NELL1: variants seen among roughly 807,000 people sequenced by gnomAD.
The protein encoded by NELL1 is neural EGFL like 1, also known as protein kinase C-binding protein NELL1.
Under a neutral mutation model 107.4 loss-of-function variants are expected in NELL1, and 76 were observed. That is an observed-to-expected ratio of 0.71 (90% CI 0.59 to 0.86). The LOEUF is 0.86. Among genes scored for constraint, NELL1 ranks in the 40% least tolerant of loss-of-function variants. The probability of loss-of-function intolerance (pLI) is 0.00; values close to 1 mark genes in which losing one functional copy is unlikely to be tolerated. For synonymous variants in NELL1, 353 were observed against 341.2 expected, an observed-to-expected ratio of 1.03 and a Z score of -0.38; for missense variants, 1,024 against 1,005.5, an observed-to-expected ratio of 1.02 and a Z score of -0.25.
In NELL1 at chr11:21,413,369, T is replaced by G. The variant is rs12802687; in HGVS notation, c.1645+42421T>G. ...TGCTGGGGGTGGGGGGGAGATATAG[T>G]AAATGTGGGCTTCAGCATCTACCCC... On this transcript the variant is annotated intron_variant, in intron 15 of 19. Transcript: ENST00000357134. 1.4e-3 allele frequency among the ~76,000 whole-genome samples: 214 copies of G among 152,032 alleles called. 1 individual carries two copies. Among genetic ancestry groups the G allele is most frequent in the Admixed American group, 2.4e-3 (37 of 15,260 alleles).
In NELL1 at chr11:21,027,790, C is replaced by T. The variant is rs368557893; in HGVS notation, c.1300+67230C>T. Among the ~76,000 whole-genome samples, 18 of 152,238 alleles carry T rather than the reference C, an allele frequency of 1.2e-4. No individual in the cohort carries two copies. The East Asian group carries it at 2.9e-3, about 25-fold the overall frequency. ...TTTTTAGCAAAATGCAGTTTAGTTT[C>T]CCTGAAACCTTAACAATCTGGAACA... On this transcript the variant is annotated intron_variant, in intron 12 of 19. Coordinates refer to ENST00000357134, the MANE Select transcript of NELL1 (RefSeq NM_006157.5).
intron 4 of NELL1, among the ~76,000 whole-genome samples, chr11:20,884,367 T>C (rs1029039842): frequency 6.6e-6 from 1 of 152,220 alleles, no homozygotes; most frequent in Non-Finnish European, 1.5e-5. Flanking sequence ...TCCGTACCTC[T>C]GGACACACCT....
chr11:21,516,607 G>A (rs1388848691), intron 15 of NELL1, among the ~76,000 whole-genome samples: 1 of 152,002 alleles, frequency 6.6e-6, no homozygotes, highest in Non-Finnish European at 1.5e-5. Flanking sequence ...AATACTATAG[G>A]CAATTGTAAC....
chr11:20,675,520 C>T (rs770838765), intron 1 of NELL1, among the ~76,000 whole-genome samples: 1 of 152,192 alleles, frequency 6.6e-6, no homozygotes. Context: ...GTGAAAGGCA[C>T]TTGGGCGACA....
At chr11:21,415,844 A>G (rs540748721) in intron 15 of NELL1, among the ~76,000 whole-genome samples, 2 of 152,226 alleles carry the variant, frequency 1.3e-5, no homozygotes, top group East Asian at 3.9e-4. Context: ...TGTATGCCAA[A>G]TGACACTTTA....
intron 3 of NELL1, among the ~76,000 whole-genome samples, chr11:20,790,973 GATT>G (rs965497178): frequency 3.2e-4 from 48 of 152,182 alleles, no homozygotes; most frequent in African/African-American, 1.1e-3. Flanking sequence ...AGTGCTGTTT[GATT>G]ATTGCAGTTT....
chr11:21,476,628 A>G (rs1254459164), intron 15 of NELL1, among the ~76,000 whole-genome samples: 2 of 152,120 alleles, frequency 1.3e-5, no homozygotes, highest in Admixed American at 6.6e-5. Context: ...AAGAACCAAA[A>G]ATCACTGTGA....
At chr11:21,414,251 C>A (rs1852447614) in intron 15 of NELL1, among the ~76,000 whole-genome samples, 1 of 151,790 alleles carries the variant, frequency 6.6e-6, no homozygotes, top group Non-Finnish European at 1.5e-5. Flanking sequence ...GAGGGTGGGT[C>A]AAGAAAGAAA....
At chr11:20,938,167 T>A (rs958796946) in intron 10 of NELL1, among the ~76,000 whole-genome samples, 7 of 152,022 alleles carry the variant, frequency 4.6e-5, no homozygotes, top group Non-Finnish European at 1.0e-4. Flanking sequence ...GGGTTTTGAG[T>A]TGGTATTAGG....
intron 2 of NELL1, among the ~76,000 whole-genome samples, chr11:20,774,324 T>C (rs1856706266): frequency 7.0e-6 from 1 of 143,218 alleles, no homozygotes; most frequent in Admixed American, 6.9e-5. Context: ...TCTCCTTTCT[T>C]TTTTTCTTTC....
At chr11:21,424,349 G>A (rs191626777) in intron 15 of NELL1, among the ~76,000 whole-genome samples, 13 of 152,186 alleles carry the variant, frequency 8.5e-5, no homozygotes, top group African/African-American at 2.4e-4. Flanking sequence ...GGCCAGGCAC[G>A]GTGTCTCACG....
chr11:21,057,694 G>T (rs1853644612), intron 12 of NELL1, among the ~76,000 whole-genome samples: 1 of 151,668 alleles, frequency 6.6e-6, no homozygotes, highest in African/African-American at 2.4e-5. Flanking sequence ...GCTGCAGATG[G>T]GTGTTTAATT....
At chr11:20,996,423 A>G (rs896721786) in intron 12 of NELL1, among the ~76,000 whole-genome samples, 3 of 152,082 alleles carry the variant, frequency 2.0e-5, no homozygotes, top group Admixed American at 6.6e-5. Context: ...AAGCCTTTCT[A>G]TCTTAACCAC....
chr11:21,239,363 T>A (rs1271934688), intron 14 of NELL1, among the ~76,000 whole-genome samples: 1 of 152,024 alleles, frequency 6.6e-6, no homozygotes, highest in Non-Finnish European at 1.5e-5. Context: ...TCTCACTATT[T>A]GTTGGAAAAA....
intron 12 of NELL1, among the ~76,000 whole-genome samples, chr11:20,964,246 A>G (rs962304624): frequency 1.6e-4 from 24 of 152,124 alleles, no homozygotes; most frequent in Admixed American, 4.6e-4. Context: ...GTCTGAGGAA[A>G]GTATAGCAAT....
At chr11:21,385,243 C>A (rs878898739) in intron 15 of NELL1, among the ~76,000 whole-genome samples, 1 of 151,800 alleles carries the variant, frequency 6.6e-6, no homozygotes, top group Admixed American at 6.6e-5. Flanking sequence ...TCTGTCTTTG[C>A]CATTATATTT....
rs1010773719 is a variant in NELL1 at position 21,191,540 on chromosome 11, G to A, written c.1427-37792G>A. ...AGACAATGAATTCATGTTGCTATAA[G>A]GCACTATTTTTGGTAATTTGTTACA... On this transcript the variant is annotated intron_variant, in intron 13 of 19. Coordinates refer to ENST00000357134, the MANE Select transcript of NELL1 (RefSeq NM_006157.5). 2.6e-5 allele frequency among the ~76,000 whole-genome samples: 4 copies of A among 151,878 alleles called. No homozygotes were observed. The East Asian group carries it at 7.7e-4, about 29-fold the overall frequency.
chr11:21,289,119 G>A (rs6483757), intron 14 of NELL1, among the ~76,000 whole-genome samples: 138,626 of 152,246 alleles, frequency 0.91, 63,375 homozygotes, highest in Non-Finnish European at 0.95. Flanking sequence ...GAGAATGACA[G>A]GGTCACATTA....
rs200152208 is a variant in NELL1 at position 21,489,404 on chromosome 11, A to C, written c.1646-44970A>C. On this transcript the variant is annotated intron_variant, in intron 15 of 19. Coordinates refer to ENST00000357134, the MANE Select transcript of NELL1 (RefSeq NM_006157.5). ...TCAAAAAAAAAAAAAAAAAAAAAAA[A>C]AAAACAGAAGAAAAGGGAACTCTCC... Among the ~76,000 whole-genome samples the C allele has an allele frequency of 1.7e-3, 238 of 137,238 alleles. 3 individuals are homozygous for C. The highest frequency in any genetic ancestry group is 5.7e-3 in the African/African-American group (190 of 33,548). 90.0% of individuals were successfully genotyped at this position (137,238 alleles called of 152,430 possible).
Sources: gnomAD v4.1 joint callset for allele counts (sites outside exome capture counted in the v4.1 genomes callset) on GRCh38, gnomAD v4.1.1 for gene constraint, MANE v1.5 for transcripts, NCBI Gene and HGNC (gene_info 2026-07-23, HGNC 2026-07-21) for gene names.